ANO4: variants seen among roughly 807,000 people sequenced by gnomAD.
ANO4 encodes the protein anoctamin-4.
Under a neutral mutation model 141.9 loss-of-function variants are expected in ANO4, and 69 were observed. The observed-to-expected ratio is 0.49, with a 90% confidence interval of 0.40 to 0.59. The LOEUF is 0.59. Among genes scored for constraint, ANO4 ranks in the 20% least tolerant of loss-of-function variants. The pLI, the probability that ANO4 is intolerant of heterozygous loss-of-function variation, is 0.00. For synonymous variants in ANO4, 350 were observed against 394.3 expected, an observed-to-expected ratio of 0.89 and a Z score of 1.33; for missense variants, 894 against 1,162.2, an observed-to-expected ratio of 0.77 and a Z score of 3.36.
At chr12:101,107,797 ACT>A (rs1228772329) in intron 22 of ANO4, among the ~76,000 whole-genome samples, 1 of 152,128 alleles carries the variant, frequency 6.6e-6, no homozygotes, top group Non-Finnish European at 1.5e-5. Flanking sequence ...TTTTAGGCAC[ACT>A]GACAGCAGAA....
intron 3 of ANO4, among the ~76,000 whole-genome samples, chr12:100,931,095 G>T (rs559478461): frequency 2.6e-5 from 4 of 152,092 alleles, no homozygotes; most frequent in Non-Finnish European, 5.9e-5. Flanking sequence ...GGTAAACCAG[G>T]CAGCCTTTGC....
intron 5 of ANO4, among the ~76,000 whole-genome samples, chr12:100,965,329 C>T (rs1277348958): frequency 6.6e-6 from 1 of 152,030 alleles, no homozygotes; most frequent in Non-Finnish European, 1.5e-5. Flanking sequence ...ATCTCAAGTC[C>T]GTCTATTTCT....
chr12:101,050,928 G>C (rs1399684092), intron 14 of ANO4, among the ~76,000 whole-genome samples: 1 of 152,160 alleles, frequency 6.6e-6, no homozygotes, highest in Non-Finnish European at 1.5e-5. Context: ...TTCTATATAA[G>C]AGTGGTATCC....
At chr12:101,012,422 G>A (rs1488101619) in intron 8 of ANO4, among the ~76,000 whole-genome samples, 7 of 152,178 alleles carry the variant, frequency 4.6e-5, no homozygotes, top group Non-Finnish European at 1.0e-4. Context: ...TCTTAGCTAG[G>A]ATGATGAAGA....
At chr12:101,100,737 C>T (rs1459940902) in intron 22 of ANO4, among the ~76,000 whole-genome samples, 1 of 152,170 alleles carries the variant, frequency 6.6e-6, no homozygotes, top group Non-Finnish European at 1.5e-5. Flanking sequence ...GTATCACAAG[C>T]AGACTGATGA....
intron 22 of ANO4, among the ~76,000 whole-genome samples, chr12:101,104,627 G>GTATATATATATATATA (rs1167784816): frequency 1.6e-5 from 1 of 62,056 alleles, no homozygotes; most frequent in Non-Finnish European, 2.9e-5. Flanking sequence ...ATGTATGTGT[G>GTATATATATATATATA]TATATATATA....
chr12:100,919,736 G>GTATGTATGTATCTATCTATC (rs3059277), intron 2 of ANO4, among the ~76,000 whole-genome samples: 6 of 133,056 alleles, frequency 4.5e-5, no homozygotes, highest in Non-Finnish European at 8.0e-5. Flanking sequence ...GTGTATGTAT[G>GTATGTATGTATCTATCTATC]TATCTATCTA....
At chr12:100,910,374 T>C (rs774759573) in intron 2 of ANO4, among the ~76,000 whole-genome samples, 1 of 152,188 alleles carries the variant, frequency 6.6e-6, no homozygotes, top group Non-Finnish European at 1.5e-5. Flanking sequence ...TGGTCTCTCA[T>C]TATGCTGTAT....
chr12:100,946,575 G>A (rs763660991), intron 5 of ANO4, among the ~76,000 whole-genome samples: 16 of 152,182 alleles, frequency 1.1e-4, no homozygotes, highest in Non-Finnish European at 2.2e-4. Flanking sequence ...TAAGCAGTTG[G>A]GAGAAGACAG....
At chr12:100,927,315 TAAC>T in intron 3 of ANO4, among the ~76,000 whole-genome samples, 1 of 152,226 alleles carries the variant, frequency 6.6e-6, no homozygotes, top group East Asian at 1.9e-4. Flanking sequence ...GATGCAATGA[TAAC>T]AACATTACAG....
chr12:101,104,619 GTATGTGTGTATATATA>G (rs2050348057), intron 22 of ANO4, among the ~76,000 whole-genome samples: 3 of 41,814 alleles, frequency 7.2e-5, no homozygotes, highest in African/African-American at 1.3e-4. Context: ...GTGTGTGTAT[GTATGTGTGTATATATA>G]TATATATATA....
Position 101,011,318 on chromosome 12 carries a change from C to CTTTTTTT in ANO4, c.735-8705_735-8699dup, listed in dbSNP as rs59483191. ...CATAGGAGGAATCATGGCCTTTTTT[C>CTTTTTTT]TTTTTTTTTTTTTTTTTGCAATCTA... On this transcript the variant is annotated intron_variant, in intron 8 of 27. Transcript: ENST00000392977. Among the ~76,000 whole-genome samples, 9 of 110,686 alleles carry CTTTTTTT rather than the reference C, an allele frequency of 8.1e-5. 1 individual carries two copies. Among genetic ancestry groups the CTTTTTTT allele is most frequent in the Non-Finnish European group, 1.2e-4 (6 of 51,388 alleles). The allele number at this position is 110,686 out of a possible 152,430, so 72.6% of individuals were successfully genotyped here.
intron 8 of ANO4, among the ~76,000 whole-genome samples, chr12:101,011,456 A>C (rs1393882311): frequency 6.6e-6 from 1 of 151,892 alleles, no homozygotes; most frequent in Non-Finnish European, 1.5e-5. Context: ...TCAGGTTCAC[A>C]GTCTTAGATC....
At chr12:101,047,872 G>A (rs2047693964) in intron 13 of ANO4, 8 of 306,580 alleles carry the variant, frequency 2.6e-5, no homozygotes, top group Non-Finnish European at 3.8e-5. Context: ...AATCCAGAGG[G>A]CAGCCCAGAA....
chr12:101,033,897 T>G (rs145964301), intron 9 of ANO4, among the ~76,000 whole-genome samples: 3,687 of 152,236 alleles, frequency 0.024, 146 homozygotes, highest in African/African-American at 0.084. Flanking sequence ...AAGCTCAACA[T>G]CACTGATTAT....
Position 100,997,496 on chromosome 12 carries a change from C to T in ANO4, c.734+9826C>T, listed in dbSNP as rs566248244. Among the ~76,000 whole-genome samples the T allele has an allele frequency of 2.8e-4, 43 of 151,420 alleles. 1 individual carries two copies. In the South Asian group the frequency reaches 8.2e-3, roughly 29 times the overall value. On this transcript the variant is annotated intron_variant, in intron 8 of 27. Coordinates refer to ENST00000392977, the MANE Select transcript of ANO4 (RefSeq NM_001286615.2). ...CTTTGGAATTTATTGTTAAAGCATT[C>T]GAGATGCATTAAACAGACATGAAAT...
rs569942195 is a variant in ANO4 at position 100,823,491 on chromosome 12, A to G, written c.-141+28464A>G. Among the ~76,000 whole-genome samples the G allele has an allele frequency of 3.4e-4, 51 of 152,088 alleles. 1 individual carries two copies. The highest frequency in any genetic ancestry group is 1.2e-3 in the African/African-American group (48 of 41,548). The stretch of plus-strand genomic sequence containing the variant: ...CCCTCTTGCTTTGTTTTTGCATACA[A>G]GCGAGTTGGGACATATATTGCTTCT... On this transcript the variant is annotated intron_variant, in intron 1 of 27. Transcript: ENST00000392977.
At chr12:100,747,612 C>T (rs767538393) in intron 3 of ANO4, among the ~76,000 whole-genome samples, 3 of 152,050 alleles carry the variant, frequency 2.0e-5, no homozygotes, top group South Asian at 2.1e-4. Flanking sequence ...TGGTGGCTCA[C>T]GCCTGTAATC....
At chr12:101,054,385 C>T (rs1452259230) in intron 14 of ANO4, among the ~76,000 whole-genome samples, 1 of 151,948 alleles carries the variant, frequency 6.6e-6, no homozygotes, top group Non-Finnish European at 1.5e-5. Context: ...TTTTTTTCAA[C>T]TTTAAGTATA....
Sources: gnomAD v4.1 joint callset for allele counts (sites outside exome capture counted in the v4.1 genomes callset) on GRCh38, gnomAD v4.1.1 for gene constraint, MANE v1.5 for transcripts, NCBI Gene and HGNC (gene_info 2026-07-23, HGNC 2026-07-21) for gene names.